The following POU6F2 variants were observed in gnomAD, a reference collection of about 807,000 sequenced individuals.
The protein encoded by POU6F2 is POU domain, class 6, transcription factor 2.
POU6F2 carries 31 observed loss-of-function variants against 71.3 expected under a neutral mutation model. The observed-to-expected ratio is 0.43, with a 90% CI of 0.33 to 0.59. POU6F2 has a LOEUF of 0.59. Among genes scored for constraint, POU6F2 ranks in the 20% least tolerant of loss-of-function variants. The probability of loss-of-function intolerance (pLI) is 0.04; values close to 1 mark genes in which losing one functional copy is unlikely to be tolerated. For missense variants in POU6F2, 783 were observed against 856.8 expected (o/e 0.91, Z 1.07); for synonymous variants, 347 against 355.7 (o/e 0.98, Z 0.27).
chr7:39,284,725 C>T (rs1315875972), intron 4 of POU6F2, among the ~76,000 whole-genome samples: 1 of 152,100 alleles, frequency 6.6e-6, no homozygotes, highest in Non-Finnish European at 1.5e-5. Flanking sequence ...AAAATCATAG[C>T]AGGTTTGGGC....
At chr7:39,357,160 G>T (rs1487680384) in intron 5 of POU6F2, among the ~76,000 whole-genome samples, 1 of 152,118 alleles carries the variant, frequency 6.6e-6, no homozygotes, top group Non-Finnish European at 1.5e-5. Context: ...CTCCTACCTT[G>T]AGTGCACCTC....
At chr7:39,004,677 G>A (rs1741102923) in intron 1 of POU6F2, among the ~76,000 whole-genome samples, 1 of 152,118 alleles carries the variant, frequency 6.6e-6, no homozygotes, top group African/African-American at 2.4e-5. Context: ...CTTTATATAT[G>A]TATATTATTT....
At chr7:39,173,019 T>C (rs908313036) in intron 2 of POU6F2, among the ~76,000 whole-genome samples, 1 of 152,176 alleles carries the variant, frequency 6.6e-6, no homozygotes, top group Non-Finnish European at 1.5e-5. Context: ...CTTTTAAATG[T>C]TCTAGTAGCC....
At chr7:39,100,194 C>A (rs1321162739) in intron 2 of POU6F2, among the ~76,000 whole-genome samples, 1 of 152,178 alleles carries the variant, frequency 6.6e-6, no homozygotes, top group Non-Finnish European at 1.5e-5. Context: ...CAACAATGAA[C>A]CCTTTTCATA....
At chr7:39,305,232 T>G (rs1248921967) in intron 4 of POU6F2, among the ~76,000 whole-genome samples, 2 of 152,272 alleles carry the variant, frequency 1.3e-5, no homozygotes, top group African/African-American at 4.8e-5. Flanking sequence ...TTCCTCATTT[T>G]ACTCTTGAAG....
intron 2 of POU6F2, among the ~76,000 whole-genome samples, chr7:39,094,599 A>G (rs1220284125): frequency 6.6e-6 from 1 of 152,102 alleles, no homozygotes; most frequent in African/African-American, 2.4e-5. Context: ...GCAGTTCTTC[A>G]TGACCACATA....
chr7:39,064,441 G>A (rs182597178), intron 1 of POU6F2, among the ~76,000 whole-genome samples: 1 of 151,158 alleles, frequency 6.6e-6, no homozygotes, highest in African/African-American at 2.4e-5. Flanking sequence ...TCAAATTTTT[G>A]GCAAAGATTA....
intron 7 of POU6F2, among the ~76,000 whole-genome samples, chr7:39,443,123 C>T (rs1002496927): frequency 6.6e-6 from 1 of 152,196 alleles, no homozygotes; most frequent in African/African-American, 2.4e-5. Context: ...GGAATGAAAT[C>T]TTGTTCCTAC....
At chr7:39,070,242 C>T (rs559389009) in intron 1 of POU6F2, among the ~76,000 whole-genome samples, 82 of 152,246 alleles carry the variant, frequency 5.4e-4, no homozygotes, top group African/African-American at 1.9e-3. Flanking sequence ...TTTGAATTTT[C>T]GTAAGATATG....
chr7:39,053,874 G>A (rs1252056086), intron 1 of POU6F2, among the ~76,000 whole-genome samples: 4 of 152,042 alleles, frequency 2.6e-5, no homozygotes, highest in East Asian at 3.9e-4. Flanking sequence ...AGGCAAAGGC[G>A]GGCAGATCAC....
intron 1 of POU6F2, among the ~76,000 whole-genome samples, chr7:39,073,988 A>C (rs1325893213): frequency 6.6e-6 from 1 of 152,212 alleles, no homozygotes; most frequent in Non-Finnish European, 1.5e-5. Context: ...CTTATTTCTT[A>C]AAATCATAAG....
At chr7:38,982,625 A>G (rs1788352380) in intron 1 of POU6F2, among the ~76,000 whole-genome samples, 1 of 152,140 alleles carries the variant, frequency 6.6e-6, no homozygotes, top group Non-Finnish European at 1.5e-5. Flanking sequence ...AATTTTGTCC[A>G]TTTAAGTAAA....
chr7:39,256,716 A>G (rs1784030808), intron 4 of POU6F2, among the ~76,000 whole-genome samples: 1 of 152,186 alleles, frequency 6.6e-6, no homozygotes, highest in African/African-American at 2.4e-5. Context: ...TGATGATGGC[A>G]GCAGATCAGA....
chr7:39,090,678 T>C (rs1021901269), intron 2 of POU6F2, among the ~76,000 whole-genome samples: 2 of 151,600 alleles, frequency 1.3e-5, no homozygotes, highest in Admixed American at 6.6e-5. Flanking sequence ...ATTTAAAATA[T>C]GTATCATGCT....
At chr7:39,439,880 T>TAA (rs35905089) in intron 7 of POU6F2, among the ~76,000 whole-genome samples, 16,913 of 151,778 alleles carry the variant, frequency 0.11, 2,555 homozygotes, top group African/African-American at 0.34. Flanking sequence ...GGTATGGTGG[T>TAA]AAAAAAAATG....
chr7:39,391,232 A>G (rs1022998604), intron 5 of POU6F2, among the ~76,000 whole-genome samples: 1 of 152,152 alleles, frequency 6.6e-6, no homozygotes, highest in African/African-American at 2.4e-5. Context: ...AAGTTCTTAA[A>G]GCCAAAATCT....
At chr7:39,359,029 G>A (rs186118305) in intron 5 of POU6F2, among the ~76,000 whole-genome samples, 19 of 152,168 alleles carry the variant, frequency 1.2e-4, no homozygotes, top group Non-Finnish European at 2.8e-4. Flanking sequence ...AGTCTTATTC[G>A]CTTCTGTTTC....
intron 4 of POU6F2, among the ~76,000 whole-genome samples, chr7:39,246,127 G>A (rs186416366): frequency 6.6e-6 from 1 of 152,266 alleles, no homozygotes; most frequent in Admixed American, 6.5e-5. Context: ...TTTTAAAATT[G>A]TCTCATTGGA....
chr7:39,172,636 T>TC (rs1378467881), intron 2 of POU6F2, among the ~76,000 whole-genome samples: 47 of 151,572 alleles, frequency 3.1e-4, no homozygotes, highest in Non-Finnish European at 5.9e-4. Flanking sequence ...TTTTTTTTTT[T>TC]TTGAGGCAAA....
Sources: gnomAD v4.1 joint callset for allele counts (sites outside exome capture counted in the v4.1 genomes callset) on GRCh38, gnomAD v4.1.1 for gene constraint, MANE v1.5 for transcripts, NCBI Gene and HGNC (gene_info 2026-07-23, HGNC 2026-07-21) for gene names.